Variants in DPP6 observed in about 807,000 individuals in gnomAD.
DPP6 encodes the protein A-type potassium channel modulatory protein DPP6.
DPP6 carries 69 observed loss-of-function variants against 122.6 expected under a neutral mutation model. That is an observed-to-expected ratio of 0.56 (90% CI 0.46 to 0.69). DPP6 has a LOEUF of 0.69. DPP6 is among the 30% of genes least tolerant of loss of function. DPP6 has a pLI of 0.00. For synonymous variants in DPP6, 418 were observed against 433.1 expected, an observed-to-expected ratio of 0.97 and a Z score of 0.43; for missense variants, 928 against 1,116.9, an observed-to-expected ratio of 0.83 and a Z score of 2.41.
intron 3 of DPP6, among the ~76,000 whole-genome samples, chr7:154,534,002 A>AAAG (rs1828046789): frequency 6.6e-6 from 1 of 151,898 alleles, no homozygotes; most frequent in African/African-American, 2.4e-5. Flanking sequence ...TGTCTCAAAA[A>AAAG]AAAAAAATCA....
chr7:153,893,601 C>T (rs1799294605), intron 1 of DPP6, among the ~76,000 whole-genome samples: 1 of 152,192 alleles, frequency 6.6e-6, no homozygotes, highest in Non-Finnish European at 1.5e-5. Context: ...AGAGTATTTT[C>T]CACTTTCAGC....
intron 1 of DPP6, among the ~76,000 whole-genome samples, chr7:154,309,375 C>G (rs1806655061): frequency 6.6e-6 from 1 of 152,154 alleles, no homozygotes; most frequent in Non-Finnish European, 1.5e-5. Context: ...CTAGTATTAA[C>G]TTAAATTTGG....
At chr7:154,644,290 A>G (rs1320080185) in intron 6 of DPP6, among the ~76,000 whole-genome samples, 1 of 152,246 alleles carries the variant, frequency 6.6e-6, no homozygotes, top group Non-Finnish European at 1.5e-5. Flanking sequence ...CAGCCAATGT[A>G]GAAACCACAC....
At chr7:154,678,772 G>T (rs2131155356) in intron 7 of DPP6, among the ~76,000 whole-genome samples, 1 of 152,344 alleles carries the variant, frequency 6.6e-6, no homozygotes, top group East Asian at 1.9e-4. Flanking sequence ...GCCAGATTCA[G>T]ATCGTGGTTG....
rs147141347 is a variant in DPP6, at chr7:154,679,195, T to C, written c.762+9754T>C. 2.1e-3 allele frequency among the ~76,000 whole-genome samples: 317 copies of C among 152,220 alleles called. 2 individuals are homozygous for C. The highest frequency in any genetic ancestry group is 7.1e-3 in the African/African-American group (297 of 41,546). The stretch of plus-strand genomic sequence containing the variant: ...GTACCTGTGTGGACTCACACCTTGC[T>C]CTTCTCCCACTCTTAGGGAGGGAGG... On this transcript the variant is annotated intron_variant, in intron 7 of 25. Transcript: ENST00000377770.
intron 1 of DPP6, among the ~76,000 whole-genome samples, chr7:154,028,684 A>G (rs1799071883): frequency 1.3e-5 from 2 of 152,082 alleles, no homozygotes; most frequent in South Asian, 2.1e-4. Context: ...ATCTGCCCTG[A>G]AGAAGCTGAT....
intron 1 of DPP6, among the ~76,000 whole-genome samples, chr7:154,206,797 A>T (rs1475420359): frequency 1.3e-5 from 2 of 152,346 alleles, no homozygotes; most frequent in East Asian, 3.9e-4. Flanking sequence ...TACTAAATAG[A>T]TGACATGGAA....
At chr7:154,153,643 T>C (rs1336755195) in intron 1 of DPP6, among the ~76,000 whole-genome samples, 1 of 152,166 alleles carries the variant, frequency 6.6e-6, no homozygotes, top group Non-Finnish European at 1.5e-5. Flanking sequence ...TCAGCAGCCA[T>C]CCCCAGAGCA....
At chr7:154,163,875 G>A (rs559064622) in intron 1 of DPP6, among the ~76,000 whole-genome samples, 1 of 152,140 alleles carries the variant, frequency 6.6e-6, no homozygotes, top group Non-Finnish European at 1.5e-5. Flanking sequence ...TCACTACAGG[G>A]CACGCCTTCT....
At position 154,091,764 on chromosome 7, in the gene DPP6, C is replaced by T. The variant is rs528367357; in HGVS notation, c.243+38701C>T. On this transcript the variant is annotated intron_variant, in intron 1 of 25. Coordinates refer to ENST00000377770, the MANE Select transcript of DPP6 (RefSeq NM_130797.4). ...GGGCGGTGTCACTGCCTCTGCTGAC[C>T]CTCCCGATGTACCAGATGAAGAGAC... Among the ~76,000 whole-genome samples the T allele has an allele frequency of 3.3e-5, 5 of 152,154 alleles. No homozygotes were observed. The South Asian group carries it at 1.0e-3, about 32-fold the overall frequency.
At position 154,822,351 on chromosome 7, in the gene DPP6, C is replaced by T. The variant is rs151218820; in HGVS notation, c.1666+15239C>T. Among the ~76,000 whole-genome samples the T allele has an allele frequency of 2.8e-3, 421 of 152,282 alleles. 3 individuals carry two copies. Among genetic ancestry groups the T allele is most frequent in the Middle Eastern group, 0.02 (6 of 294 alleles). On this transcript the variant is annotated intron_variant, in intron 16 of 25. Coordinates refer to ENST00000377770, the MANE Select transcript of DPP6 (RefSeq NM_130797.4). ...GGTGTCTGGTGAGGGCGTGCTATCT[C>T]GCTGCGTCCTCACATGGTGGAAGGG...
chr7:154,701,796 C>A (rs925349281), intron 7 of DPP6, among the ~76,000 whole-genome samples: 2 of 152,206 alleles, frequency 1.3e-5, no homozygotes, highest in Admixed American at 1.3e-4. Flanking sequence ...GAGGTGAGAT[C>A]TCCTCCAGAA....
At chr7:154,805,442 G>A (rs773026841) in intron 15 of DPP6, among the ~76,000 whole-genome samples, 1 of 152,136 alleles carries the variant, frequency 6.6e-6, no homozygotes, top group Non-Finnish European at 1.5e-5. Flanking sequence ...GCATGATCTC[G>A]AAGCTCCTCA....
intron 1 of DPP6, among the ~76,000 whole-genome samples, chr7:154,332,128 G>T (rs1766576695): frequency 6.6e-6 from 1 of 150,800 alleles, no homozygotes; most frequent in African/African-American, 2.5e-5. Flanking sequence ...CTGGAGTGCA[G>T]TGGTGCAATC....
In DPP6 at chr7:154,241,741, T is replaced by G. The variant is rs570760415; in HGVS notation, c.243+188678T>G. ...GAAGCTAACACGTGTCTAACCTGTT[T>G]CCCATATTATGTTTTAAGTTTAAAA... On this transcript the variant is annotated intron_variant, in intron 1 of 25. Transcript: ENST00000377770. This position sits in a 1 kb window ranked among gnomAD's most constrained non-coding sequence, Gnocchi z 9.0. 6.6e-6 allele frequency among the ~76,000 whole-genome samples: 1 copy of G among 152,204 alleles called. No individual in the cohort carries two copies. The highest frequency in any genetic ancestry group is 6.5e-5 in the Admixed American group (1 of 15,282).
chr7:153,942,577 T>C (rs887104), intron 1 of DPP6, among the ~76,000 whole-genome samples: 42,175 of 152,006 alleles, frequency 0.28, 6,263 homozygotes, highest in African/African-American at 0.37. Context: ...AGGAGACCGG[T>C]CTGTAAAATC....
chr7:154,335,881 G>T (rs567635898), intron 1 of DPP6, among the ~76,000 whole-genome samples: 1 of 152,056 alleles, frequency 6.6e-6, no homozygotes, highest in African/African-American at 2.4e-5. Flanking sequence ...TGTCTCAAGC[G>T]GCTAGGGCGG....
chr7:154,207,277 A>G (rs1368422930), intron 1 of DPP6, among the ~76,000 whole-genome samples: 3 of 152,202 alleles, frequency 2.0e-5, no homozygotes. Context: ...GACATTTTGA[A>G]TTTGCAATTG....
intron 1 of DPP6, among the ~76,000 whole-genome samples, chr7:154,172,607 T>G (rs1042252268): frequency 4.2e-5 from 6 of 143,146 alleles, no homozygotes; most frequent in Non-Finnish European, 7.6e-5. Context: ...TTTTTTTTCT[T>G]TTTTTTTTTT....
Sources: gnomAD v4.1 joint callset for allele counts (sites outside exome capture counted in the v4.1 genomes callset) on GRCh38, gnomAD v4.1.1 for gene constraint, Gnocchi (gnomAD v3.1) non-coding constraint, MANE v1.5 for transcripts, NCBI Gene and HGNC (gene_info 2026-07-23, HGNC 2026-07-21) for gene names.